XKR4: variants seen among roughly 807,000 people sequenced by gnomAD.
XKR4 encodes XK-related protein 4.
XKR4 carries 12 observed loss-of-function variants against 53.9 expected under a neutral mutation model. The ratio of observed to expected loss-of-function variants is 0.22; its 90% CI spans 0.14 to 0.36. The LOEUF (loss-of-function observed/expected upper bound fraction) is 0.36. XKR4 is among the 10% of genes least tolerant of loss of function. The pLI, the probability that XKR4 is intolerant of heterozygous loss-of-function variation, is 1.00. For missense variants in XKR4, 799 were observed against 859.5 expected, an observed-to-expected ratio of 0.93 and a Z score of 0.88; for synonymous variants, 354 against 362.4, an observed-to-expected ratio of 0.98 and a Z score of 0.26.
intron 2 of XKR4, among the ~76,000 whole-genome samples, chr8:55,464,158 G>A (rs969030784): frequency 5.3e-5 from 8 of 152,094 alleles, no homozygotes; most frequent in African/African-American, 1.5e-4. Flanking sequence ...CCAAAGCCTG[G>A]CAGAGACACA....
chr8:55,178,671 C>A (rs978679929), intron 1 of XKR4, among the ~76,000 whole-genome samples: 1 of 152,156 alleles, frequency 6.6e-6, no homozygotes, highest in Non-Finnish European at 1.5e-5. Context: ...TAGCTCGACA[C>A]TAACTAGTTG....
intron 1 of XKR4, among the ~76,000 whole-genome samples, chr8:55,115,969 C>G (rs1318555645): frequency 6.6e-6 from 1 of 152,146 alleles, no homozygotes; most frequent in African/African-American, 2.4e-5. Flanking sequence ...GCCTTCACAA[C>G]AGTGGTGGAT....
chr8:55,498,868 C>T (rs1214365394), intron 2 of XKR4, among the ~76,000 whole-genome samples: 2 of 152,138 alleles, frequency 1.3e-5, no homozygotes, highest in Non-Finnish European at 2.9e-5. Flanking sequence ...GGAAATTCAT[C>T]CAAATTTTCT....
intron 1 of XKR4, among the ~76,000 whole-genome samples, chr8:55,327,583 T>G (rs535983899): frequency 6.6e-6 from 1 of 152,354 alleles, no homozygotes; most frequent in South Asian, 2.1e-4. Context: ...ATTATAGTTC[T>G]AAATTGCTTC....
chr8:55,133,978 A>G (rs911195984), intron 1 of XKR4, among the ~76,000 whole-genome samples: 7 of 152,240 alleles, frequency 4.6e-5, no homozygotes, highest in Admixed American at 1.3e-4. Flanking sequence ...AGATTCACAA[A>G]TTCAACTTTT....
At chr8:55,395,741 A>C (rs561363912) in intron 2 of XKR4, among the ~76,000 whole-genome samples, 1 of 152,332 alleles carries the variant, frequency 6.6e-6, no homozygotes, top group African/African-American at 2.4e-5. Context: ...CACTAGGTCT[A>C]GGTGGAAAGC....
intron 2 of XKR4, among the ~76,000 whole-genome samples, chr8:55,393,629 C>A (rs1804476093): frequency 6.6e-6 from 1 of 152,078 alleles, no homozygotes; most frequent in South Asian, 2.1e-4. Context: ...AATCTGGGAG[C>A]AATTTGGCCT....
chr8:55,532,813 A>T lies in XKR4; in HGVS notation c.*8586A>T, dbSNP rs2129406832. 2 of 151,856 alleles carry T rather than the reference A, an allele frequency of 1.3e-5. 1 individual carries two copies. The highest frequency in any genetic ancestry group is 3.9e-4 in the East Asian group (2 of 5,184). 9.4% of individuals were successfully genotyped at this position (151,856 alleles called of 1,614,324 possible). On this transcript the variant is annotated 3_prime_UTR_variant, in exon 3 of 3. Coordinates refer to ENST00000327381, the MANE Select transcript of XKR4 (RefSeq NM_052898.2). ...CTCCGTCTCAAAAAAAAAAAAAAAA[A>T]AAAAAAAGAATTTCAGAAAATATAA...
chr8:55,522,150 T>C (rs772718436), intron 2 of XKR4, among the ~76,000 whole-genome samples: 3 of 152,134 alleles, frequency 2.0e-5, no homozygotes, highest in Non-Finnish European at 4.4e-5. Flanking sequence ...ATCTGGACGA[T>C]AGAGATGAAC....
chr8:55,271,502 A>C (rs764399271), intron 1 of XKR4, among the ~76,000 whole-genome samples: 5 of 152,250 alleles, frequency 3.3e-5, no homozygotes, highest in Admixed American at 6.5e-5. Flanking sequence ...AATAGAAAAG[A>C]AGCAAAGAAT....
At chr8:55,220,869 T>C (rs984637213) in intron 1 of XKR4, among the ~76,000 whole-genome samples, 2 of 152,216 alleles carry the variant, frequency 1.3e-5, no homozygotes, top group African/African-American at 4.8e-5. Flanking sequence ...ATATATAGGA[T>C]TGTTATAAGG....
intron 2 of XKR4, among the ~76,000 whole-genome samples, chr8:55,379,463 TC>T (rs1804200334): frequency 6.6e-6 from 1 of 152,226 alleles, no homozygotes; most frequent in African/African-American, 2.4e-5. Flanking sequence ...ACATCCTCTT[TC>T]CTCATGCATT....
chr8:55,133,441 G>C (rs1175725500), intron 1 of XKR4, among the ~76,000 whole-genome samples: 1 of 152,178 alleles, frequency 6.6e-6, no homozygotes, highest in South Asian at 2.1e-4. Flanking sequence ...GGTTCTGTTG[G>C]AAATAAGCAT....
intron 1 of XKR4, among the ~76,000 whole-genome samples, chr8:55,160,670 G>T (rs1816971821): frequency 6.6e-6 from 1 of 152,072 alleles, no homozygotes; most frequent in Admixed American, 6.5e-5. Flanking sequence ...CATTTTCATT[G>T]TTGTTATATT....
intron 1 of XKR4, among the ~76,000 whole-genome samples, chr8:55,188,157 A>G (rs960281805): frequency 6.6e-6 from 1 of 152,212 alleles, no homozygotes; most frequent in African/African-American, 2.4e-5. Flanking sequence ...TTAGAGGAGT[A>G]TATAGTTGAG....
chr8:55,454,381 G>A, intron 2 of XKR4: 9 of 1,475,418 alleles, frequency 6.1e-6, no homozygotes, highest in Non-Finnish European at 7.5e-6. Flanking sequence ...AGGTGAAGCT[G>A]TATCTGAGAG....
intron 1 of XKR4, among the ~76,000 whole-genome samples, chr8:55,105,973 C>T (rs1394293382): frequency 6.6e-6 from 1 of 152,148 alleles, no homozygotes; most frequent in Non-Finnish European, 1.5e-5. Context: ...CACTATGATT[C>T]CTTAAATTAG....
chr8:55,212,692 A>T (rs1817745914), intron 1 of XKR4, among the ~76,000 whole-genome samples: 1 of 152,188 alleles, frequency 6.6e-6, no homozygotes, highest in Non-Finnish European at 1.5e-5. Context: ...TTGTCCTTAA[A>T]AATTCAGAGG....
intron 1 of XKR4, among the ~76,000 whole-genome samples, chr8:55,208,127 A>G (rs1412554243): frequency 6.6e-6 from 1 of 152,252 alleles, no homozygotes; most frequent in African/African-American, 2.4e-5. Flanking sequence ...CTACAGTCAA[A>G]TAATTAACAT....
Sources: allele counts gnomAD v4.1 joint callset (sites outside exome capture counted in the v4.1 genomes callset), GRCh38; gene constraint gnomAD v4.1.1; transcripts MANE v1.5; gene names NCBI Gene and HGNC (gene_info 2026-07-23, HGNC 2026-07-21).